Variants in PTPN21 observed in about 807,000 individuals in gnomAD.
PTPN21 encodes the protein protein tyrosine phosphatase non-receptor type 21.
In PTPN21, 77 loss-of-function variants were observed where a neutral mutation model predicts 131.8. The ratio of observed to expected loss-of-function variants is 0.58; its 90% CI spans 0.49 to 0.71. PTPN21 has a LOEUF of 0.71. Among genes scored for constraint, PTPN21 ranks in the 30% least tolerant of loss-of-function variants. PTPN21 has a pLI of 0.00. For synonymous variants in PTPN21, 715 were observed against 621.3 expected (o/e 1.15, Z -2.24); for missense variants, 1,552 against 1,527.1 (o/e 1.02, Z -0.27).
At chr14:88,506,545 T>TG (rs1455558916) in intron 4 of PTPN21, among the ~76,000 whole-genome samples, 1 of 152,144 alleles carries the variant, frequency 6.6e-6, no homozygotes, top group Non-Finnish European at 1.5e-5. Context: ...CCCAAAGTGC[T>TG]GGGATTAGAG....
intron 12 of PTPN21, among the ~76,000 whole-genome samples, chr14:88,483,314 G>A (rs2077680935): frequency 6.6e-6 from 1 of 152,058 alleles, no homozygotes; most frequent in South Asian, 2.1e-4. Context: ...ATAGACAGAG[G>A]GAAGAGAATG....
Position 88,480,068 on chromosome 14 carries a change from T to A in PTPN21, c.1363A>T (p.Met455Leu), listed in dbSNP as rs755710375. The A allele has an allele frequency of 2.5e-6, 4 of 1,614,114 alleles. No homozygotes were observed. The highest frequency in any genetic ancestry group is 3.4e-6 in the Non-Finnish European group (4 of 1,180,018). ...YRPTPDYETV[M>L]KQLNRGLVHA... is the part of the protein sequence containing the mutation. The stretch of plus-strand genomic sequence containing the variant: ...ACCAGGCCCCTGTTGAGCTGCTTCA[T>A]CACAGTCTCATAGTCTGGGGTGGGG... The change falls in exon 13 of 19, where the codon ATG becomes TTG. Residue 455 changes from methionine to leucine, a missense_variant. By Grantham distance (15) the Met-to-Leu change is conservative. This residue lies in a region of PTPN21 where 1,016 missense variants were observed against 883.5 expected (regional missense o/e 1.15). Transcript: ENST00000556564.
At position 88,500,744 on chromosome 14, in the gene PTPN21, G is replaced by A. The variant is rs184669880; in HGVS notation, c.764+39C>T. ...GTACTAAAAAATGTATCACCAACAG[G>A]AGCCATAGAAAACATACAAAAAGAG... On this transcript the variant is annotated intron_variant, in intron 8 of 18. Transcript: ENST00000556564. The A allele has an allele frequency of 3.9e-3, 5,217 of 1,344,614 alleles. 17 individuals carry two copies. Among genetic ancestry groups the A allele is most frequent in the Non-Finnish European group, 4.3e-3 (3,998 of 934,408 alleles). The allele number at this position is 1,344,614 out of a possible 1,614,324, so 83.3% of individuals were successfully genotyped here.
chr14:88,477,858 T>C (rs982372821), intron 13 of PTPN21, among the ~76,000 whole-genome samples: 1 of 152,338 alleles, frequency 6.6e-6, no homozygotes, highest in South Asian at 2.1e-4. Context: ...CGCAGATGCT[T>C]AGTCCCAGGT....
At chr14:88,468,832 A>G in intron 18 of PTPN21, 84 bp downstream of exon 18, 1 of 1,563,404 alleles carries the variant, frequency 6.4e-7, no homozygotes, top group Non-Finnish European at 8.8e-7. Context: ...AATGTGCGCA[A>G]AAAGAGCTAT....
intron 3 of PTPN21, 108 bp downstream of exon 3, chr14:88,516,984 G>A: frequency 8.0e-7 from 1 of 1,254,384 alleles, no homozygotes; most frequent in Non-Finnish European, 1.1e-6. Context: ...CTAAAAATGT[G>A]GGGCGAGAGG....
At chr14:88,484,968 G>A (rs766028966) in intron 12 of PTPN21, 108 bp downstream of exon 12, 2 of 800,034 alleles carry the variant, frequency 2.5e-6, no homozygotes, top group Non-Finnish European at 4.4e-6. Context: ...GATGCAATTT[G>A]GGGTGCAACT....
chr14:88,505,285 G>A lies in PTPN21; in HGVS notation c.516+19C>T, dbSNP rs1018815125. ...TAAACTGTTTCTTTTAAAAGGCCCA[G>A]TGTCAAAAGAAGTCTTACCACAGGA... On this transcript the variant is annotated intron_variant, in intron 5 of 18. Coordinates refer to ENST00000556564, the MANE Select transcript of PTPN21 (RefSeq NM_007039.4). The A allele has an allele frequency of 2.6e-6, 4 of 1,558,780 alleles. No homozygotes were observed. The East Asian group carries it at 6.7e-5, about 26-fold the overall frequency.
intron 3 of PTPN21, chr14:88,513,908 A>C (rs2078223230): frequency 6.6e-6 from 1 of 152,168 alleles, no homozygotes. Flanking sequence ...ATTTTATAAC[A>C]GTTTTAGTCT....
At chr14:88,490,387 G>A (rs1330579110) in intron 10 of PTPN21, among the ~76,000 whole-genome samples, 4 of 151,946 alleles carry the variant, frequency 2.6e-5, no homozygotes, top group Non-Finnish European at 4.4e-5. Context: ...GCCTCTCCTC[G>A]GCTCCACCAG....
chr14:88,471,280 A>G (rs1595338700), intron 15 of PTPN21, among the ~76,000 whole-genome samples: 1 of 152,302 alleles, frequency 6.6e-6, no homozygotes, highest in African/African-American at 2.4e-5. Context: ...TTCACTCACC[A>G]TGAGATTTCT....
Position 88,514,683 on chromosome 14 carries a change from C to T in PTPN21, c.350+2409G>A, listed in dbSNP as rs116074871. On this transcript the variant is annotated intron_variant, in intron 3 of 18. Transcript: ENST00000556564. ...TTCTCCATGTTGATCAGGCTGATCT[C>T]GAACTCCCGACCTTAGGTGATCTGG... Among the ~76,000 whole-genome samples the T allele has an allele frequency of 2.0e-3, 307 of 152,062 alleles. 4 individuals are homozygous for T. Among genetic ancestry groups the T allele is most frequent in the African/African-American group, 7.0e-3 (290 of 41,478 alleles).
chr14:88,536,184 A>G (rs2078628761), intron 2 of PTPN21, among the ~76,000 whole-genome samples: 1 of 152,222 alleles, frequency 6.6e-6, no homozygotes, highest in Non-Finnish European at 1.5e-5. Flanking sequence ...GTCACTGTAG[A>G]GAATTTTGTG....
At chr14:88,513,174 T>C (rs2078211759) in intron 3 of PTPN21, among the ~76,000 whole-genome samples, 1 of 152,146 alleles carries the variant, frequency 6.6e-6, no homozygotes, top group African/African-American at 2.4e-5. Flanking sequence ...TTTTTTTGTT[T>C]TGTTTTGTTT....
rs771292780 is a variant in PTPN21, at chr14:88,469,475, C to T, written c.3235+24G>A. On this transcript the variant is annotated intron_variant, in intron 17 of 18. Transcript: ENST00000556564. The surrounding 1 kb of genome is among the most constrained non-coding windows in gnomAD (Gnocchi z 4.3). ...TAACACCTCCAGAGGCAGCTGTCCTCGGAACAAAGTTAAAGTCACTCACAT... is the reference window on the plus strand; with the variant it reads ...TAACACCTCCAGAGGCAGCTGTCCTTGGAACAAAGTTAAAGTCACTCACAT... The T allele has an allele frequency of 2.1e-5, 33 of 1,572,348 alleles. No homozygotes were observed. The highest frequency in any genetic ancestry group is 8.9e-5 in the South Asian group (8 of 90,118).
chr14:88,468,908 G>A lies in PTPN21; in HGVS notation c.3396+8C>T, dbSNP rs370677934. On this transcript the variant is annotated splice_region_variant and intron_variant, in intron 18 of 18. Coordinates refer to ENST00000556564, the MANE Select transcript of PTPN21 (RefSeq NM_007039.4). ...CCAAAAAGGCCAGGTGATCATAAGC[G>A]CCATCACCTCATTGTGTTCCAGGCA... 38 of 1,613,742 alleles carry A rather than the reference G, an allele frequency of 2.4e-5. No individual in the cohort carries two copies. The highest frequency in any genetic ancestry group is 2.0e-4 in the East Asian group (9 of 44,892).
intron 9 of PTPN21, 48 bp downstream of exon 9, chr14:88,497,155 T>C (rs374023512): frequency 1.5e-5 from 21 of 1,440,522 alleles, no homozygotes; most frequent in Admixed American, 3.4e-5. Context: ...GTAGAACTTG[T>C]TAACTTTTAG....
intron 2 of PTPN21, among the ~76,000 whole-genome samples, chr14:88,541,984 G>C (rs779408986): frequency 7.9e-5 from 12 of 152,114 alleles, no homozygotes; most frequent in Non-Finnish European, 1.3e-4. Context: ...GAGTGGCTAT[G>C]AACCACCTGA....
intron 10 of PTPN21, among the ~76,000 whole-genome samples, chr14:88,493,884 T>C (rs150504124): frequency 1.1e-4 from 17 of 152,292 alleles, no homozygotes; most frequent in African/African-American, 3.9e-4. Flanking sequence ...AACACCTGTA[T>C]CTATAGATTA....
Sources: allele counts gnomAD v4.1 joint callset (sites outside exome capture counted in the v4.1 genomes callset), GRCh38; gene constraint gnomAD v4.1.1; regional missense constraint gnomAD v4.1.1; non-coding constraint Gnocchi (gnomAD v3.1); transcripts MANE v1.5; gene names NCBI Gene and HGNC (gene_info 2026-07-23, HGNC 2026-07-21).